ITGA8: variants seen among roughly 807,000 people sequenced by gnomAD.
ITGA8 encodes the protein integrin alpha-8.
Under a neutral mutation model 142.3 loss-of-function variants are expected in ITGA8, and 91 were observed. The observed-to-expected ratio is 0.64, with a 90% CI of 0.54 to 0.76. The LOEUF is 0.76. Among genes scored for constraint, ITGA8 ranks in the 30% least tolerant of loss-of-function variants. The pLI is 0.00. For synonymous variants in ITGA8, 505 were observed against 485.2 expected (o/e 1.04, Z -0.54); for missense variants, 1,406 against 1,327.7 (o/e 1.06, Z -0.92).
In ITGA8 at chr10:15,592,230, G is replaced by A. The variant is rs1564365226; in HGVS notation, c.2286C>T (p.Ile762=). The change falls in exon 22 of 30, where the codon ATC becomes ATT. Residue 762 remains isoleucine (I), a synonymous_variant. Transcript: ENST00000378076. ...TAGGCATGTAAAGGTCTAACCTTCTGATTTGGAGATCGAAGTTAATGCTCA... is the reference window on the plus strand; with the variant it reads ...TAGGCATGTAAAGGTCTAACCTTCTAATTTGGAGATCGAAGTTAATGCTCA... ...TNMSINFDLQ[I]RSSNKDNPDS... The A allele has an allele frequency of 6.2e-7, 1 of 1,612,270 alleles. No homozygotes were observed. Among genetic ancestry groups the A allele is most frequent in the Non-Finnish European group, 8.5e-7 (1 of 1,178,416 alleles).
intron 2 of ITGA8, 131 bp from the exon 3 acceptor site, chr10:15,688,169 A>C (rs988410679): frequency 3.6e-5 from 24 of 661,808 alleles, no homozygotes; most frequent in African/African-American, 3.6e-4. Flanking sequence ...AAAAATTGAA[A>C]AGAGGCTGGG....
intron 21 of ITGA8, among the ~76,000 whole-genome samples, chr10:15,594,566 C>T (rs1458405672): frequency 6.6e-6 from 1 of 152,032 alleles, no homozygotes; most frequent in African/African-American, 2.4e-5. Flanking sequence ...GGGTGGATCA[C>T]AAGGTCAGGA....
chr10:15,671,015 A>C (rs1009417084), intron 8 of ITGA8, among the ~76,000 whole-genome samples: 1 of 152,162 alleles, frequency 6.6e-6, no homozygotes, highest in African/African-American at 2.4e-5. Context: ...CTATGTTTAG[A>C]ATTTTATCCT....
At chr10:15,523,092 G>A (rs1301114120) in intron 28 of ITGA8, among the ~76,000 whole-genome samples, 1 of 152,122 alleles carries the variant, frequency 6.6e-6, no homozygotes. Flanking sequence ...AGTTTTATAA[G>A]TTAGAGAAAA....
At chr10:15,649,808 G>T (rs536781540) in intron 11 of ITGA8, among the ~76,000 whole-genome samples, 2 of 152,174 alleles carry the variant, frequency 1.3e-5, no homozygotes, top group South Asian at 4.1e-4. Context: ...CCAAACATTG[G>T]CAAGGATGTA....
At chr10:15,604,406 G>A (rs9333165) in intron 19 of ITGA8, 51 bp from the exon 20 acceptor site, 292 of 1,442,918 alleles carry the variant, frequency 2.0e-4, no homozygotes, top group African/African-American at 1.3e-3. Flanking sequence ...TCTTGGCTTC[G>A]TGAATATTTT....
At chr10:15,655,514 T>G (rs1351336490) in intron 10 of ITGA8, 108 bp from the exon 11 acceptor site, 1 of 802,912 alleles carries the variant, frequency 1.2e-6, no homozygotes, top group Non-Finnish European at 2.1e-6. Flanking sequence ...ATTTTTGCAT[T>G]GAAATTCATA....
rs1834199826 is a variant in ITGA8 at position 15,572,276 on chromosome 10, G to A, written c.2572C>T (p.His858Tyr). The A allele has an allele frequency of 6.2e-7, 1 of 1,613,908 alleles. No homozygotes were observed. The highest frequency in any genetic ancestry group is 1.1e-5 in the South Asian group (1 of 91,060). ...TGCAGAGGTCCCAGAGTTTGAATAT[G>A]GAAAATATAGAGAAGAAATTCATCC... is the stretch of plus-strand genomic sequence containing the variant. Reference protein sequence around the residue: ...ARDEFLLYIFHIQTLGPLQCQ... With the variant: ...ARDEFLLYIFYIQTLGPLQCQ... Residue 858 changes from histidine to tyrosine, a missense_variant, in exon 25 of 30, where the codon CAT becomes TAT. His to Tyr is a moderately conservative substitution (Grantham distance 83). Transcript: ENST00000378076.
intron 27 of ITGA8, among the ~76,000 whole-genome samples, chr10:15,538,302 C>T (rs572202092): frequency 3.8e-4 from 58 of 152,204 alleles, no homozygotes; most frequent in African/African-American, 1.3e-3. Context: ...CACCTGAGGT[C>T]AGGAGTTCAA....
chr10:15,526,782 T>C (rs1434495936), intron 28 of ITGA8, among the ~76,000 whole-genome samples: 1 of 152,218 alleles, frequency 6.6e-6, no homozygotes, highest in African/African-American at 2.4e-5. Flanking sequence ...GAAAGTAGTA[T>C]TCATAAATTG....
chr10:15,679,304 G>A (rs1834691890), intron 4 of ITGA8, among the ~76,000 whole-genome samples: 1 of 152,228 alleles, frequency 6.6e-6, no homozygotes, highest in East Asian at 1.9e-4. Flanking sequence ...TCCTATTATG[G>A]CCAGTTGTGG....
At chr10:15,590,267 C>A (rs950245064) in intron 22 of ITGA8, among the ~76,000 whole-genome samples, 3 of 152,158 alleles carry the variant, frequency 2.0e-5, no homozygotes, top group African/African-American at 7.2e-5. Context: ...GCCACTTCTA[C>A]TTTACAGCAA....
intron 26 of ITGA8, among the ~76,000 whole-genome samples, chr10:15,555,759 G>T (rs1295832227): frequency 6.6e-6 from 1 of 151,230 alleles, no homozygotes. Context: ...GCAGTGGCGC[G>T]ATCTCGGCTC....
rs1833924215 is a variant in ITGA8 at position 15,644,204 on chromosome 10, G to T, written c.1225C>A (p.Pro409Thr). Residue 409 changes from proline (P) to threonine (T), a missense_variant, in exon 13 of 30, where the codon CCT becomes ACT. Pro to Thr is a conservative substitution (Grantham distance 38, BLOSUM62 -1). Transcript: ENST00000378076. ...DGYNDIAIGV[P>T]FAGKDQRGKV... Reference sequence around the variant, plus strand: ...CCTCTTTGATCCTTGCCTGCAAAAGGCACTCCGATGGCAATGTCTAAAAAC... The same window carrying T: ...CCTCTTTGATCCTTGCCTGCAAAAGTCACTCCGATGGCAATGTCTAAAAAC... 2 of 1,613,402 alleles carry T rather than the reference G, an allele frequency of 1.2e-6. No homozygotes were observed. The highest frequency in any genetic ancestry group is 1.7e-6 in the Non-Finnish European group (2 of 1,179,698).
At chr10:15,622,501 G>A (rs1010440565) in intron 13 of ITGA8, among the ~76,000 whole-genome samples, 8 of 151,848 alleles carry the variant, frequency 5.3e-5, no homozygotes, top group Non-Finnish European at 1.2e-4. Context: ...AATCAAAAGG[G>A]AAGACCTCCT....
rs376514813 is a variant in ITGA8 at position 15,572,160 on chromosome 10, C to A, written c.2637+51G>T. On this transcript the variant is annotated intron_variant, in intron 25 of 29. Coordinates refer to ENST00000378076, the MANE Select transcript of ITGA8 (RefSeq NM_003638.3). The stretch of plus-strand genomic sequence containing the variant: ...AAACAAGCCCAGTTTGTATTTTTTT[C>A]ATACCATAAAAATAAAATCAACAAA... 4.9e-6 allele frequency: 7 copies of A among 1,438,352 alleles called. No homozygotes were observed. The African/African-American group carries it at 8.6e-5, about 18-fold the overall frequency. The allele number at this position is 1,438,352 out of a possible 1,614,324, so 89.1% of individuals were successfully genotyped here.
intron 6 of ITGA8, among the ~76,000 whole-genome samples, chr10:15,673,060 G>A (rs1052357170): frequency 2.0e-4 from 31 of 152,142 alleles, no homozygotes; most frequent in African/African-American, 7.5e-4. Flanking sequence ...TTTATGTGAT[G>A]TAATTTTTGT....
At chr10:15,607,583 T>G in intron 17 of ITGA8, 94 bp downstream of exon 17, 1 of 1,140,988 alleles carries the variant, frequency 8.8e-7, no homozygotes, top group Non-Finnish European at 1.3e-6. Context: ...CAGATGGGGG[T>G]CTATGCAGAC....
chr10:15,694,203 CATATATATGATAACATATCATATATAT>C (rs1564412171), intron 2 of ITGA8, among the ~76,000 whole-genome samples: 10 of 137,604 alleles, frequency 7.3e-5, no homozygotes, highest in African/African-American at 2.4e-4. Flanking sequence ...GATAATATAT[CATATATATGATAACATATCATATATAT>C]GATAATATAT....
Sources: gnomAD v4.1 joint callset for allele counts (sites outside exome capture counted in the v4.1 genomes callset) on GRCh38, gnomAD v4.1.1 for gene constraint, MANE v1.5 for transcripts, NCBI Gene and HGNC (gene_info 2026-07-23, HGNC 2026-07-21) for gene names.